The following ANKRD13D variants were observed in gnomAD, a reference collection of about 807,000 sequenced individuals.
ANKRD13D encodes the protein ankyrin repeat domain 13D.
Under a neutral mutation model 68.8 loss-of-function variants are expected in ANKRD13D, and 24 were observed. The ratio of observed to expected loss-of-function variants is 0.35; its 90% confidence interval spans 0.25 to 0.49. ANKRD13D has a LOEUF of 0.49. ANKRD13D is among the 20% of genes least tolerant of loss of function. The pLI is 0.99. For missense variants in ANKRD13D, 735 were observed against 832.1 expected, an observed-to-expected ratio of 0.88 and a Z score of 1.44; for synonymous variants, 331 against 336.1, an observed-to-expected ratio of 0.98 and a Z score of 0.16.
In ANKRD13D at chr11:67,302,416, T is replaced by C; in HGVS notation, c.*84T>C. The C allele has an allele frequency of 7.0e-7, 1 of 1,431,772 alleles. No homozygotes were observed. Among genetic ancestry groups the C allele is most frequent in the East Asian group, 2.5e-5 (1 of 39,420 alleles). The allele number at this position is 1,431,772 out of a possible 1,614,324, so 88.7% of individuals were successfully genotyped here. ...TTTATAAACTCTCTGCTGCTGAGCT[T>C]GGGGCCTGGAGCCCCAGGAATGAGC... On this transcript the variant is annotated 3_prime_UTR_variant, in exon 15 of 15. Coordinates refer to ENST00000511455, the MANE Select transcript of ANKRD13D (RefSeq NM_207354.3).
intron 2 of ANKRD13D, 47 bp downstream of exon 2, chr11:67,290,260 G>A (rs946324526): frequency 2.6e-6 from 4 of 1,545,074 alleles, no homozygotes; most frequent in African/African-American, 1.4e-5. Flanking sequence ...CAGGCGGGGG[G>A]CAGTGAGCAG....
Position 67,300,589 on chromosome 11 carries a change from G to A in ANKRD13D, c.1074-401G>A, listed in dbSNP as rs543291312. 7.8e-6 allele frequency: 3 copies of A among 384,474 alleles called. No individual in the cohort carries two copies. Among genetic ancestry groups the A allele is most frequent in the Admixed American group, 4.2e-5 (1 of 23,892 alleles). 23.8% of individuals were successfully genotyped at this position (384,474 alleles called of 1,614,324 possible). A position where few individuals can be genotyped will look rare whatever the true frequency, so the allele number is the denominator to read the frequency against. ...GGATTCTCTTAGCCACCCAACAGTC[G>A]CTGGGATTCGAACCCTGGCAGTCTT... On this transcript the variant is annotated intron_variant, in intron 10 of 14. Transcript: ENST00000511455. This position sits in a 1 kb window ranked among gnomAD's most constrained non-coding sequence, Gnocchi z 4.3.
At chr11:67,291,311 T>C (rs1215442465) in intron 3 of ANKRD13D, 165 bp from the exon 4 acceptor site, 2 of 743,778 alleles carry the variant, frequency 2.7e-6, no homozygotes, top group East Asian at 5.6e-5. Context: ...TGAGCCGAGA[T>C]TGCACCACTA....
chr11:67,302,273 G>A lies in ANKRD13D; in HGVS notation c.1759G>A (p.Gly587Arg), dbSNP rs534474099. ...GGAGCAGGAGGAGCGGGAGCGGCGC[G>A]GGCAGCAGGAGGAGGAGGACTTACA... ...SREQEERERR[G>R]QQEEEDLQRI... Residue 587 changes from glycine to arginine, a missense_variant, in exon 15 of 15, where the codon GGG (glycine) becomes AGG (arginine). Coordinates refer to ENST00000511455, the MANE Select transcript of ANKRD13D (RefSeq NM_207354.3). 48 of 1,567,676 alleles carry A rather than the reference G, an allele frequency of 3.1e-5. No homozygotes were observed. The highest frequency in any genetic ancestry group is 4.1e-5 in the African/African-American group (3 of 74,050).
intron 6 of ANKRD13D, among the ~76,000 whole-genome samples, chr11:67,296,561 C>T (rs374992605): frequency 1.1e-3 from 172 of 152,154 alleles, no homozygotes; most frequent in African/African-American, 3.9e-3. Context: ...CTTTTTATTT[C>T]TGTTGCTCCC....
intron 1 of ANKRD13D, chr11:67,289,852 T>C: frequency 7.7e-6 from 11 of 1,426,592 alleles, no homozygotes; most frequent in Non-Finnish European, 1.0e-5. Context: ...CCTGACAACC[T>C]GCAGCTCTGC....
In ANKRD13D at chr11:67,296,146, C is replaced by A. The variant is rs536738523; in HGVS notation, c.732-2912C>A. Among the ~76,000 whole-genome samples the A allele has an allele frequency of 2.0e-5, 3 of 152,152 alleles. No individual in the cohort carries two copies. The South Asian group carries it at 6.2e-4, about 32-fold the overall frequency. The stretch of plus-strand genomic sequence containing the variant: ...TCGTATTTTGTTGAGGATTTTGTGT[C>A]CATATTCATAAGTGATATTGGTCTG... On this transcript the variant is annotated intron_variant, in intron 6 of 14. Coordinates refer to ENST00000511455, the MANE Select transcript of ANKRD13D (RefSeq NM_207354.3).
Position 67,290,064 on chromosome 11 carries a change from C to G in ANKRD13D, c.91-14C>G, listed in dbSNP as rs111345048. ...CTTCTCTCCTGCCCTTTGTGAGTGT[C>G]CCGTCTCCCCCAGCACGACATTGAA... On this transcript the variant is annotated splice_polypyrimidine_tract_variant and intron_variant, in intron 1 of 14. Coordinates refer to ENST00000511455, the MANE Select transcript of ANKRD13D (RefSeq NM_207354.3). 28 of 1,535,384 alleles carry G rather than the reference C, an allele frequency of 1.8e-5. No homozygotes were observed. In the African/African-American group the frequency reaches 3.6e-4, roughly 19 times the overall value.
At chr11:67,294,774 T>C (rs1198362198) in intron 6 of ANKRD13D, among the ~76,000 whole-genome samples, 1 of 152,098 alleles carries the variant, frequency 6.6e-6, no homozygotes, top group South Asian at 2.1e-4. Context: ...CTCCTGACCT[T>C]GCTGGGATTA....
In ANKRD13D at chr11:67,301,380, T is replaced by A; in HGVS notation, c.1330T>A (p.Ser444Thr). 6.2e-7 allele frequency: 1 copy of A among 1,612,480 alleles called. No individual in the cohort carries two copies. Among genetic ancestry groups the A allele is most frequent in the Admixed American group, 1.7e-5 (1 of 59,798 alleles). Residue 444 changes from serine (S) to threonine (T), a missense_variant, in exon 12 of 15, where the codon TCT (serine) becomes ACT (threonine). By Grantham distance (58) the Ser-to-Thr change is moderately conservative. Transcript: ENST00000511455. The surrounding 1 kb of genome is among the most constrained non-coding windows in gnomAD (Gnocchi z 4.5). ...LSSVWVPAPS[S>T]AVAASGNPFP... ...CTCCGTGTGGGTGCCGGCCCCCAGC[T>A]CTGCTGTTGCCGCATCAGGTACCCC...
chr11:67,302,310 A>G lies in ANKRD13D; in HGVS notation c.1796A>G (p.Gln599Arg). The change falls in exon 15 of 15, where the codon CAG (glutamine) becomes CGG (arginine). Residue 599 changes from glutamine (Q) to arginine (R), a missense_variant. Coordinates refer to ENST00000511455, the MANE Select transcript of ANKRD13D (RefSeq NM_207354.3). ...QEEEDLQRIL[Q>R]LSLTEH ...GAGGAGGACTTACAGCGGATCCTGC[A>G]GCTGTCACTCACTGAGCACTGAGCC... 6.5e-7 allele frequency: 1 copy of G among 1,548,068 alleles called. No homozygotes were observed. Among genetic ancestry groups the G allele is most frequent in the Non-Finnish European group, 8.7e-7 (1 of 1,143,396 alleles).
rs369072835 is a variant in ANKRD13D at position 67,291,351 on chromosome 11, CAAAAAAAAAAAA to C, written c.352-112_352-101del. 35 of 500,720 alleles carry C rather than the reference CAAAAAAAAAAAA, an allele frequency of 7.0e-5. No homozygotes were observed. In the Admixed American group the frequency reaches 1.2e-3, roughly 17 times the overall value. The allele number at this position is 500,720 out of a possible 1,614,324, so 31.0% of individuals were successfully genotyped here. On this transcript the variant is annotated intron_variant, in intron 3 of 14. Coordinates refer to ENST00000511455, the MANE Select transcript of ANKRD13D (RefSeq NM_207354.3). Reference sequence around the variant, plus strand: ...CCAGCCTGGGTGACAGAGCAAGTCTCAAAAAAAAAAAAAAAAAAAAAAAAGACCTGATGAAGG... The same window carrying C: ...CCAGCCTGGGTGACAGAGCAAGTCTCAAAAAAAAAAAAGACCTGATGAAGG...
chr11:67,296,724 G>GTTC (rs1158327211), intron 6 of ANKRD13D, among the ~76,000 whole-genome samples: 1 of 151,948 alleles, frequency 6.6e-6, no homozygotes, highest in East Asian at 1.9e-4. Context: ...TGAACTCCTG[G>GTTC]GCTTAGGTGA....
chr11:67,291,203 A>G, intron 3 of ANKRD13D: 1 of 432,564 alleles, frequency 2.3e-6, no homozygotes, highest in Non-Finnish European at 4.1e-6. Flanking sequence ...CAAAAAGTAC[A>G]AAAATTAGCT....
chr11:67,293,529 G>A (rs918177422), intron 6 of ANKRD13D, among the ~76,000 whole-genome samples: 1 of 152,028 alleles, frequency 6.6e-6, no homozygotes, highest in Admixed American at 6.6e-5. Flanking sequence ...TTGAGATGGG[G>A]TCTGGCCTTT....
intron 1 of ANKRD13D, 66 bp downstream of exon 1, chr11:67,289,616 C>CAGGGGGGGGGGGGGGGGGGGGGGGGGG: frequency 7.8e-7 from 1 of 1,286,932 alleles, no homozygotes; most frequent in East Asian, 3.3e-5. Flanking sequence ...GGCCTCCGTC[C>CAGGGGGGGGGGGGGGGGGGGGGGGGGG]TGGAGCCCCC....
At chr11:67,289,588 TC>T in intron 1 of ANKRD13D, 38 bp downstream of exon 1, 1 of 1,393,434 alleles carries the variant, frequency 7.2e-7, no homozygotes, top group Non-Finnish European at 9.2e-7. Context: ...TTCCCCCGGG[TC>T]CCCCACCCAA....
At position 67,301,932 on chromosome 11, in the gene ANKRD13D, T is replaced by C; in HGVS notation, c.1604+109T>C. The C allele has an allele frequency of 3.7e-6, 5 of 1,364,818 alleles. No individual in the cohort carries two copies. Among genetic ancestry groups the C allele is most frequent in the Non-Finnish European group, 3.9e-6 (4 of 1,017,200 alleles). The allele number at this position is 1,364,818 out of a possible 1,614,324, so 84.5% of individuals were successfully genotyped here. ...CCCCAGGCCCTCTGCAAGGCCACCC[T>C]CTGTCAGCAGCGCTATCTGCCACCA... On this transcript the variant is annotated intron_variant, in intron 14 of 14. Coordinates refer to ENST00000511455, the MANE Select transcript of ANKRD13D (RefSeq NM_207354.3). The surrounding 1 kb of genome is among the most constrained non-coding windows in gnomAD (Gnocchi z 4.5).
chr11:67,299,920 C>CG lies in ANKRD13D; in HGVS notation c.942+38dup. 1.9e-6 allele frequency: 3 copies of CG among 1,560,644 alleles called. No individual in the cohort carries two copies. The highest frequency in any genetic ancestry group is 1.7e-6 in the Non-Finnish European group (2 of 1,150,910). ...CGGGGCTGGGCCGAGACAGGGCTGG[C>CG]GGGGGGCCGAGCCTGGGCGGGAGGG... On this transcript the variant is annotated intron_variant, in intron 9 of 14. Coordinates refer to ENST00000511455, the MANE Select transcript of ANKRD13D (RefSeq NM_207354.3). The surrounding 1 kb of genome is among the most constrained non-coding windows in gnomAD (Gnocchi z 6.2).
Sources: gnomAD v4.1 joint callset for allele counts (sites outside exome capture counted in the v4.1 genomes callset) on GRCh38, gnomAD v4.1.1 for gene constraint, Gnocchi (gnomAD v3.1) non-coding constraint, MANE v1.5 for transcripts, NCBI Gene and HGNC (gene_info 2026-07-23, HGNC 2026-07-21) for gene names.